The following MAGI1 variants were observed in gnomAD, a reference collection of about 807,000 sequenced individuals.
The protein encoded by MAGI1 is membrane associated guanylate kinase, WW and PDZ domain containing 1, also known as membrane-associated guanylate kinase, WW and PDZ domain-containing protein 1.
MAGI1 carries 58 observed loss-of-function variants against 139.9 expected under a neutral mutation model. The observed-to-expected ratio is 0.41, with a 90% confidence interval of 0.34 to 0.52. The LOEUF (loss-of-function observed/expected upper bound fraction) is 0.52. Ranked by LOEUF, MAGI1 falls within the 20% of genes least tolerant of loss-of-function variation. The pLI is 0.12. For synonymous variants in MAGI1, 812 were observed against 737.9 expected (o/e 1.10, Z -1.63); for missense variants, 1,874 against 1,901.6 (o/e 0.99, Z 0.27).
At chr3:65,622,772 G>A (rs574598228) in intron 1 of MAGI1, among the ~76,000 whole-genome samples, 2 of 152,044 alleles carry the variant, frequency 1.3e-5, no homozygotes, top group Non-Finnish European at 2.9e-5. Flanking sequence ...GAACCATGTA[G>A]AACAGGCTGG....
intron 1 of MAGI1, among the ~76,000 whole-genome samples, chr3:65,689,295 T>A (rs953761011): frequency 3.3e-5 from 5 of 152,150 alleles, no homozygotes; most frequent in Non-Finnish European, 7.3e-5. Flanking sequence ...AAGACAAGAT[T>A]GGATTTTCCC....
chr3:65,833,590 G>A (rs2042644899), intron 1 of MAGI1, among the ~76,000 whole-genome samples: 2 of 152,124 alleles, frequency 1.3e-5, no homozygotes, highest in Admixed American at 6.5e-5. Context: ...TGTAATCATC[G>A]ACGACTTACC....
At chr3:65,428,518 G>A (rs1474996440) in intron 12 of MAGI1, among the ~76,000 whole-genome samples, 1 of 152,122 alleles carries the variant, frequency 6.6e-6, no homozygotes, top group Non-Finnish European at 1.5e-5. Flanking sequence ...GCGAGCATGT[G>A]GAGGGAAGTG....
chr3:65,439,962 C>T lies in MAGI1; in HGVS notation c.1187G>A (p.Arg396Gln), dbSNP rs376567111. The T allele has an allele frequency of 1.4e-5, 22 of 1,613,756 alleles. No individual in the cohort carries two copies. In the Admixed American group the frequency reaches 2.5e-4, roughly 18 times the overall value. The change falls in exon 9 of 23, where the codon CGG becomes CAG. Residue 396 changes from arginine (R) to glutamine (Q), a missense_variant. Arg to Gln is a conservative substitution (Grantham distance 43). This residue lies in a region of MAGI1 where 648 missense variants were observed against 598.1 expected (regional missense o/e 1.08). Transcript: ENST00000402939. ...CTGCTGCTGCTCAAGCTGCTTCTTC[C>T]GTTTGGCTTCTAGAACCGGGTTCTC... ...QYENPVLEAKRKKQLEQQQQQ... is the reference protein window; with the variant it reads ...QYENPVLEAKQKKQLEQQQQQ...
intron 1 of MAGI1, among the ~76,000 whole-genome samples, chr3:65,666,966 C>A (rs1172951010): frequency 6.6e-6 from 1 of 152,150 alleles, no homozygotes; most frequent in African/African-American, 2.4e-5. Flanking sequence ...ATGAAGCCTT[C>A]AGACATACCT....
chr3:65,697,253 G>A (rs999816473), intron 1 of MAGI1, among the ~76,000 whole-genome samples: 10 of 151,868 alleles, frequency 6.6e-5, no homozygotes, highest in Admixed American at 6.5e-5. Context: ...ACCAAAAAGA[G>A]TCCAGGACCA....
rs1336818808 is a variant in MAGI1 at position 65,924,850 on chromosome 3, T to C, written c.313+113146A>G. ...AGTACTCACAGTCATGCCTGGCACA[T>C]AGTTAAGTGCTAAATAAAAGGTAAT... On this transcript the variant is annotated intron_variant, in intron 1 of 22. Coordinates refer to ENST00000402939, the MANE Select transcript of MAGI1 (RefSeq NM_001033057.2). 3 of 152,256 alleles carry C rather than the reference T, an allele frequency of 2.0e-5. No individual in the cohort carries two copies. In the East Asian group the frequency reaches 5.8e-4, roughly 29 times the overall value. The allele number at this position is 152,256 out of a possible 1,614,324, so 9.4% of individuals were successfully genotyped here. A position where few individuals can be genotyped will look rare whatever the true frequency, so the allele number is the denominator to read the frequency against.
At chr3:65,812,968 C>T (rs558959313) in intron 1 of MAGI1, among the ~76,000 whole-genome samples, 7 of 150,858 alleles carry the variant, frequency 4.6e-5, no homozygotes, top group African/African-American at 1.2e-4. Context: ...GCCTCAGCCT[C>T]GCAAAGTGCT....
intron 1 of MAGI1, among the ~76,000 whole-genome samples, chr3:65,973,504 A>G (rs879298350): frequency 1.3e-5 from 2 of 152,228 alleles, no homozygotes; most frequent in Non-Finnish European, 2.9e-5. Context: ...AGGAGATGGT[A>G]TAAGTGAATG....
intron 2 of MAGI1, among the ~76,000 whole-genome samples, chr3:65,618,641 T>C (rs1263826834): frequency 1.3e-5 from 2 of 152,136 alleles, no homozygotes; most frequent in Non-Finnish European, 2.9e-5. Flanking sequence ...AACACCCAAC[T>C]TGAGAGTTAC....
chr3:65,470,895 T>A (rs1480059759), intron 4 of MAGI1, among the ~76,000 whole-genome samples: 7 of 152,176 alleles, frequency 4.6e-5, no homozygotes, highest in African/African-American at 1.7e-4. Flanking sequence ...CACAAAAAAG[T>A]ATCCAGGGTG....
intron 2 of MAGI1, among the ~76,000 whole-genome samples, chr3:65,504,932 T>C (rs1339373169): frequency 6.6e-6 from 1 of 152,104 alleles, no homozygotes; most frequent in Non-Finnish European, 1.5e-5. Flanking sequence ...AGTTCTCAGG[T>C]TGTAACTGAT....
chr3:65,395,286 G>A (rs113066770), intron 13 of MAGI1, among the ~76,000 whole-genome samples: 143 of 152,066 alleles, frequency 9.4e-4, no homozygotes, highest in African/African-American at 3.0e-3. Flanking sequence ...TCTATTGATA[G>A]CAACACACTG....
intron 1 of MAGI1, among the ~76,000 whole-genome samples, chr3:65,691,298 G>T (rs748450163): frequency 2.6e-5 from 2 of 76,268 alleles, no homozygotes; most frequent in African/African-American, 9.3e-5. Flanking sequence ...GCAAGACTCC[G>T]TCTCAAAAAA....
chr3:65,592,118 C>T (rs1222966975), intron 2 of MAGI1, among the ~76,000 whole-genome samples: 1 of 152,186 alleles, frequency 6.6e-6, no homozygotes, highest in African/African-American at 2.4e-5. Context: ...AGGCAGAACA[C>T]AGTTCCTAGC....
At chr3:65,489,795 C>G (rs1360897003) in intron 3 of MAGI1, among the ~76,000 whole-genome samples, 2 of 152,202 alleles carry the variant, frequency 1.3e-5, no homozygotes, top group Non-Finnish European at 2.9e-5. Context: ...GCACTAGCAT[C>G]TTTAATAGTG....
At chr3:65,776,366 G>A (rs752922162) in intron 1 of MAGI1, among the ~76,000 whole-genome samples, 1 of 151,314 alleles carries the variant, frequency 6.6e-6, no homozygotes, top group East Asian at 1.9e-4. Context: ...GATTAGGTAA[G>A]AGAATGGAAG....
chr3:65,607,272 TC>T (rs2082793003), intron 2 of MAGI1, among the ~76,000 whole-genome samples: 1 of 151,754 alleles, frequency 6.6e-6, no homozygotes, highest in South Asian at 2.1e-4. Context: ...AAAATTCTTT[TC>T]TCCTGACTTT....
intron 1 of MAGI1, among the ~76,000 whole-genome samples, chr3:65,647,678 A>G (rs1029768121): frequency 7.2e-5 from 11 of 152,348 alleles, no homozygotes; most frequent in African/African-American, 2.6e-4. Flanking sequence ...AACTGATTTA[A>G]AAGTATTTGA....
Sources: allele counts gnomAD v4.1 joint callset (sites outside exome capture counted in the v4.1 genomes callset), GRCh38; gene constraint gnomAD v4.1.1; regional missense constraint gnomAD v4.1.1; transcripts MANE v1.5; gene names NCBI Gene and HGNC (gene_info 2026-07-23, HGNC 2026-07-21).